The following ATCAY variants were observed in gnomAD, a reference collection of about 807,000 sequenced individuals.
ATCAY encodes the protein ATCAY kinesin light chain interacting caytaxin.
Under a neutral mutation model 47.7 loss-of-function variants are expected in ATCAY, and 22 were observed. The ratio of observed to expected loss-of-function variants is 0.46; its 90% CI spans 0.33 to 0.66. The LOEUF (loss-of-function observed/expected upper bound fraction) is 0.66, where lower values mean the gene tolerates loss of function less well. ATCAY is among the 30% of genes least tolerant of loss of function. The pLI is 0.02. For synonymous variants in ATCAY, 216 were observed against 207.6 expected (o/e 1.04, Z -0.35); for missense variants, 452 against 515.0 (o/e 0.88, Z 1.18).
intron 2 of ATCAY, among the ~76,000 whole-genome samples, chr19:3,888,725 G>T (rs1390539206): frequency 6.6e-6 from 1 of 152,096 alleles, no homozygotes; most frequent in East Asian, 1.9e-4. Flanking sequence ...AAAGAGAATG[G>T]GGTTTGAAGG....
intron 2 of ATCAY, among the ~76,000 whole-genome samples, chr19:3,896,107 C>T (rs1188679990): frequency 1.3e-5 from 2 of 152,104 alleles, no homozygotes; most frequent in Non-Finnish European, 2.9e-5. Flanking sequence ...CCTCCTCAGC[C>T]TCCCAAAGTG....
Position 3,925,580 on chromosome 19 carries a change from G to A in ATCAY, c.*988G>A, listed in dbSNP as rs574017739. ...CCGCAGCCACCTGCATTCAAAGCTTGGACCAGCGGGTTCTTGTTCGGGAGG... is the reference window on the plus strand; with the variant it reads ...CCGCAGCCACCTGCATTCAAAGCTTAGACCAGCGGGTTCTTGTTCGGGAGG... On this transcript the variant is annotated 3_prime_UTR_variant, in exon 13 of 13. Coordinates refer to ENST00000450849, the MANE Select transcript of ATCAY (RefSeq NM_033064.5). The surrounding 1 kb of genome is among the most constrained non-coding windows in gnomAD (Gnocchi z 4.4). The A allele has an allele frequency of 6.6e-6, 1 of 152,364 alleles. No homozygotes were observed. The highest frequency in any genetic ancestry group is 1.9e-4 in the East Asian group (1 of 5,186). The allele number at this position is 152,364 out of a possible 1,614,324, so 9.4% of individuals were successfully genotyped here.
intron 9 of ATCAY, 106 bp from the exon 10 acceptor site, chr19:3,917,613 AAGAAGAAGAAGAAGAAAAGAAAG>A: frequency 2.9e-6 from 2 of 680,042 alleles, no homozygotes; most frequent in Admixed American, 3.2e-5. Flanking sequence ...AAAAAAAAGG[AAGAAGAAGAAGAAGAAAAGAAAG>A]AAAAAAGAGA....
At chr19:3,897,864 T>C (rs62133662) in intron 2 of ATCAY, among the ~76,000 whole-genome samples, 29,186 of 151,900 alleles carry the variant, frequency 0.19, 3,083 homozygotes, top group African/African-American at 0.27. Context: ...GCCAAGATTG[T>C]GCCACTGCAC....
rs111226861 is a variant in ATCAY, at chr19:3,893,154, T to A, written c.77+7310T>A. Among the ~76,000 whole-genome samples the A allele has an allele frequency of 8.7e-3, 1,273 of 146,978 alleles. 21 individuals carry two copies. The highest frequency in any genetic ancestry group is 0.03 in the African/African-American group (1,220 of 40,280). On this transcript the variant is annotated intron_variant, in intron 2 of 12. Transcript: ENST00000450849. ...ACGAAGCCACGCTGTGCATCTTGCA[T>A]GTGGGGGGGACCCCCACTTTTTTTT...
At chr19:3,885,692 C>A in intron 1 of ATCAY, 35 bp from the exon 2 acceptor site, 2 of 1,279,282 alleles carry the variant, frequency 1.6e-6, no homozygotes, top group Non-Finnish European at 2.2e-6. Flanking sequence ...GGACTATTGT[C>A]CAGTAAAACC....
Position 3,926,657 on chromosome 19 carries a change from C to T in ATCAY, c.*2065C>T, listed in dbSNP as rs544656256. 11 of 152,344 alleles carry T rather than the reference C, an allele frequency of 7.2e-5. No homozygotes were observed. In the East Asian group the frequency reaches 1.9e-3, roughly 27 times the overall value. 9.4% of individuals were successfully genotyped at this position (152,344 alleles called of 1,614,324 possible). A position where few individuals can be genotyped will look rare whatever the true frequency, so the allele number is the denominator to read the frequency against. ...AAAGATTTGCCCTGTGGGACAGGGTCCTGCGCGAGTCCCATCCCCAAAAGC... is the reference window on the plus strand; with the variant it reads ...AAAGATTTGCCCTGTGGGACAGGGTTCTGCGCGAGTCCCATCCCCAAAAGC... On this transcript the variant is annotated 3_prime_UTR_variant, in exon 13 of 13. Coordinates refer to ENST00000450849, the MANE Select transcript of ATCAY (RefSeq NM_033064.5).
chr19:3,892,277 A>T lies in ATCAY; in HGVS notation c.77+6433A>T, dbSNP rs180807830. Among the ~76,000 whole-genome samples the T allele has an allele frequency of 2.0e-5, 3 of 150,984 alleles. No individual in the cohort carries two copies. The East Asian group carries it at 5.9e-4, about 30-fold the overall frequency. On this transcript the variant is annotated intron_variant, in intron 2 of 12. Coordinates refer to ENST00000450849, the MANE Select transcript of ATCAY (RefSeq NM_033064.5). ...GAGTGCAGTGGTGCGATCATAGCTCACTACAGCCTCCACATCCCAGGCTGA... is the reference window on the plus strand; with the variant it reads ...GAGTGCAGTGGTGCGATCATAGCTCTCTACAGCCTCCACATCCCAGGCTGA...
chr19:3,921,242 G>T (rs760416889), intron 12 of ATCAY, among the ~76,000 whole-genome samples: 3 of 151,786 alleles, frequency 2.0e-5, no homozygotes, highest in African/African-American at 7.3e-5. Context: ...CGGGCGCAGC[G>T]TCTCACGCCT....
At chr19:3,920,871 T>C (rs1307706643) in intron 12 of ATCAY, 73 bp downstream of exon 12, 2 of 1,563,520 alleles carry the variant, frequency 1.3e-6, no homozygotes, top group South Asian at 2.3e-5. Context: ...GTCAGGGTTC[T>C]CTAGAAGGAC....
At position 3,892,850 on chromosome 19, in the gene ATCAY, A is replaced by G. The variant is rs536868216; in HGVS notation, c.77+7006A>G. 8.5e-5 allele frequency among the ~76,000 whole-genome samples: 13 copies of G among 152,172 alleles called. 1 individual carries two copies. The South Asian group carries it at 1.0e-3, about 12-fold the overall frequency. ...TTAAACCCAGGAGGCAGAAGTTGCA[A>G]TGAGCCCAGATTGTGCCGCCACACT... On this transcript the variant is annotated intron_variant, in intron 2 of 12. Coordinates refer to ENST00000450849, the MANE Select transcript of ATCAY (RefSeq NM_033064.5).
intron 9 of ATCAY, among the ~76,000 whole-genome samples, chr19:3,917,526 A>G (rs995486866): frequency 7.3e-6 from 1 of 136,480 alleles, no homozygotes; most frequent in Admixed American, 8.1e-5. Flanking sequence ...TGGAGGTTGC[A>G]GTGAGCCAAG....
rs775098752 is a variant in ATCAY at position 3,907,650 on chromosome 19, G to A, written c.359-84G>A. On this transcript the variant is annotated intron_variant, in intron 4 of 12. Transcript: ENST00000450849. This position sits in a 1 kb window ranked among gnomAD's most constrained non-coding sequence, Gnocchi z 5.1. ...TGTGGGTCCCGGCAGCGAGGGAGGT[G>A]GGAGAGGGGAAGGAAGGCTGAGCAG... 1.4e-5 allele frequency: 22 copies of A among 1,522,802 alleles called. No homozygotes were observed. Among genetic ancestry groups the A allele is most frequent in the Non-Finnish European group, 1.7e-5 (19 of 1,115,228 alleles). The allele number at this position is 1,522,802 out of a possible 1,614,324, so 94.3% of individuals were successfully genotyped here. A position where few individuals can be genotyped will look rare whatever the true frequency, so the allele number is the denominator to read the frequency against.
intron 12 of ATCAY, among the ~76,000 whole-genome samples, chr19:3,921,511 G>T (rs143845280): frequency 6.6e-6 from 1 of 152,154 alleles, no homozygotes; most frequent in African/African-American, 2.4e-5. Flanking sequence ...ACAATGGTTT[G>T]CCAGAAGGAC....
chr19:3,885,129 A>AC (rs2038638171), intron 1 of ATCAY, among the ~76,000 whole-genome samples: 1 of 149,086 alleles, frequency 6.7e-6, no homozygotes, highest in Non-Finnish European at 1.5e-5. Flanking sequence ...AAAAAAAAAA[A>AC]AAAAAACAGC....
rs1365193050 is a variant in ATCAY at position 3,928,010 on chromosome 19, C to T, written c.*3418C>T. ...AATGATCACTACGATTGACGACGGT[C>T]GTGATGTTAAGACGTCGTCTCCATG... On this transcript the variant is annotated 3_prime_UTR_variant, in exon 13 of 13. Transcript: ENST00000450849. 1.3e-5 allele frequency: 2 copies of T among 152,132 alleles called. No homozygotes were observed. The highest frequency in any genetic ancestry group is 2.9e-5 in the Non-Finnish European group (2 of 68,036). The allele number at this position is 152,132 out of a possible 1,614,324, so 9.4% of individuals were successfully genotyped here.
intron 2 of ATCAY, among the ~76,000 whole-genome samples, chr19:3,897,823 G>A (rs971102625): frequency 7.9e-5 from 12 of 152,150 alleles, no homozygotes; most frequent in African/African-American, 2.2e-4. Context: ...CACAAGAATC[G>A]CCTAAACCCG....
rs967654702 is a variant in ATCAY at position 3,907,690 on chromosome 19, T to A, written c.359-44T>A. On this transcript the variant is annotated intron_variant, in intron 4 of 12. Transcript: ENST00000450849. This position sits in a 1 kb window ranked among gnomAD's most constrained non-coding sequence, Gnocchi z 5.1. Reference sequence around the variant, plus strand: ...AGGCTGAGCAGGAGGGCAGGAGATATCCGGACTCTGGCGTCCATGCGACTC... The same window carrying A: ...AGGCTGAGCAGGAGGGCAGGAGATAACCGGACTCTGGCGTCCATGCGACTC... 1 of 1,607,912 alleles carries A rather than the reference T, an allele frequency of 6.2e-7. No homozygotes were observed. The highest frequency in any genetic ancestry group is 1.7e-5 in the Admixed American group (1 of 59,386).
At chr19:3,882,404 A>ACCTCCTG (rs1296393412) in intron 1 of ATCAY, among the ~76,000 whole-genome samples, 1 of 151,464 alleles carries the variant, frequency 6.6e-6, no homozygotes, top group Non-Finnish European at 1.5e-5. Context: ...TGCAGTCTCG[A>ACCTCCTG]CCTCCTGGTC....
Sources: gnomAD v4.1 joint callset for allele counts (sites outside exome capture counted in the v4.1 genomes callset) on GRCh38, gnomAD v4.1.1 for gene constraint, Gnocchi (gnomAD v3.1) non-coding constraint, MANE v1.5 for transcripts, NCBI Gene and HGNC (gene_info 2026-07-23, HGNC 2026-07-21) for gene names.